CCDC47: variants seen among roughly 807,000 people sequenced by gnomAD.
The protein encoded by CCDC47 is coiled-coil domain containing 47.
CCDC47 carries 41 observed loss-of-function variants against 60.5 expected under a neutral mutation model. That is an observed-to-expected ratio of 0.68 (90% CI 0.53 to 0.88). CCDC47 has a LOEUF of 0.88. Ranked by LOEUF, CCDC47 falls within the 40% of genes least tolerant of loss-of-function variation. The probability of loss-of-function intolerance (pLI) is 0.00; values close to 1 mark genes in which losing one functional copy is unlikely to be tolerated. For missense variants in CCDC47, 513 were observed against 580.9 expected, an observed-to-expected ratio of 0.88 and a Z score of 1.20; for synonymous variants, 195 against 190.7, an observed-to-expected ratio of 1.02 and a Z score of -0.18.
chr17:63,748,191 G>C (rs1201608455), intron 12 of CCDC47, among the ~76,000 whole-genome samples: 2 of 151,562 alleles, frequency 1.3e-5, no homozygotes, highest in African/African-American at 4.8e-5. Flanking sequence ...TTTTGAGACA[G>C]AATTCTTGCT....
chr17:63,760,186 A>G (rs1011064707), intron 6 of CCDC47, among the ~76,000 whole-genome samples: 6 of 152,216 alleles, frequency 3.9e-5, no homozygotes, highest in Non-Finnish European at 8.8e-5. Context: ...TAAGGTCCTC[A>G]GATCATGACT....
chr17:63,764,374 T>C (rs1176616541), intron 3 of CCDC47, among the ~76,000 whole-genome samples, 184 bp from the exon 4 acceptor site: 2 of 152,200 alleles, frequency 1.3e-5, no homozygotes, highest in East Asian at 3.9e-4. Flanking sequence ...TAAAAGATTC[T>C]TTAAGGAAAT....
chr17:63,751,037 G>C (rs1053916593), intron 12 of CCDC47, among the ~76,000 whole-genome samples: 1 of 92,908 alleles, frequency 1.1e-5, no homozygotes, highest in Non-Finnish European at 2.1e-5. Flanking sequence ...ACTATGCACA[G>C]CTAATTTTTT....
At chr17:63,763,000 C>T (rs1197098965) in intron 4 of CCDC47, among the ~76,000 whole-genome samples, 1 of 152,182 alleles carries the variant, frequency 6.6e-6, no homozygotes, top group Non-Finnish European at 1.5e-5. Flanking sequence ...TGTACCACTG[C>T]AGCCTCAAAC....
rs570847091 is a variant in CCDC47 at position 63,759,470 on chromosome 17, T to C, written c.735+1444A>G. On this transcript the variant is annotated intron_variant, in intron 6 of 12. Coordinates refer to ENST00000225726, the MANE Select transcript of CCDC47 (RefSeq NM_020198.3). ...AGCCATTGCACTCCAGCCTGGGTGA[T>C]AGAGTGAGATTCTGTCTCCCAAAAA... Among the ~76,000 whole-genome samples, 725 of 103,962 alleles carry C rather than the reference T, an allele frequency of 7.0e-3. 4 individuals are homozygous for C. The highest frequency in any genetic ancestry group is 0.01 in the Non-Finnish European group (543 of 52,358). 68.2% of individuals were successfully genotyped at this position (103,962 alleles called of 152,430 possible). A position where few individuals can be genotyped will look rare whatever the true frequency, so the allele number is the denominator to read the frequency against.
At chr17:63,759,936 C>T (rs1222103950) in intron 6 of CCDC47, among the ~76,000 whole-genome samples, 6 of 151,396 alleles carry the variant, frequency 4.0e-5, no homozygotes, top group Middle Eastern at 3.4e-3. Flanking sequence ...TGGTGGCGGA[C>T]GCCTGTAGTC....
At chr17:63,760,077 A>AG (rs2039246108) in intron 6 of CCDC47, among the ~76,000 whole-genome samples, 1 of 151,382 alleles carries the variant, frequency 6.6e-6, no homozygotes, top group Non-Finnish European at 1.5e-5. Context: ...AAAAAAAAAA[A>AG]AAAAGAAACA....
chr17:63,751,996 CTCTT>C lies in CCDC47; in HGVS notation c.1311_1314del (p.Arg438GlnfsTer7). The stretch of plus-strand genomic sequence containing the variant: ...TCATTCATGATTCGCTCCTTCTCTG[CTCTT>C]TTTTTCTCCTCCCGCCGAGACTGTG... On this transcript the variant is annotated frameshift_variant, in exon 12 of 13. Coordinates refer to ENST00000225726, the MANE Select transcript of CCDC47 (RefSeq NM_020198.3). LOFTEE classifies it high-confidence loss of function. 1 of 1,613,662 alleles carries C rather than the reference CTCTT, an allele frequency of 6.2e-7. No homozygotes were observed. Among genetic ancestry groups the C allele is most frequent in the Non-Finnish European group, 8.5e-7 (1 of 1,180,016 alleles).
intron 6 of CCDC47, among the ~76,000 whole-genome samples, chr17:63,759,404 G>A (rs562588423): frequency 2.1e-5 from 3 of 143,762 alleles, no homozygotes; most frequent in African/African-American, 7.6e-5. Flanking sequence ...CAGGAAAATC[G>A]CTTGAACCCT....
At chr17:63,771,953 G>T (rs2039345101) in intron 1 of CCDC47, among the ~76,000 whole-genome samples, 1 of 151,898 alleles carries the variant, frequency 6.6e-6, no homozygotes, top group African/African-American at 2.4e-5. Context: ...GTGGTGGCAG[G>T]CACCTGTAAT....
At chr17:63,751,025 C>A (rs7215915) in intron 12 of CCDC47, among the ~76,000 whole-genome samples, 1 of 147,480 alleles carries the variant, frequency 6.8e-6, no homozygotes, top group African/African-American at 2.6e-5. Context: ...CAGGTATGCA[C>A]CACTATGCAC....
chr17:63,760,845 AAAAAAAAAG>A, intron 6 of CCDC47, 60 bp downstream of exon 6: 1 of 1,175,138 alleles, frequency 8.5e-7, no homozygotes, highest in South Asian at 1.4e-5. Flanking sequence ...TCAAAAAAAA[AAAAAAAAAG>A]AAAGAAAGAA....
rs2039281656 is a variant in CCDC47, at chr17:63,764,253, G to A, written c.373-63C>T. On this transcript the variant is annotated intron_variant, in intron 3 of 12. Coordinates refer to ENST00000225726, the MANE Select transcript of CCDC47 (RefSeq NM_020198.3). ...GACTGAAGAATGAAATCTACCTCAT[G>A]GCAGGAAGAATGAGAAAATCCATAA... is the stretch of plus-strand genomic sequence containing the variant. 4 of 1,225,344 alleles carry A rather than the reference G, an allele frequency of 3.3e-6. No individual in the cohort carries two copies. In the South Asian group the frequency reaches 6.1e-5, roughly 19 times the overall value. 75.9% of individuals were successfully genotyped at this position (1,225,344 alleles called of 1,614,324 possible). A position where few individuals can be genotyped will look rare whatever the true frequency, so the allele number is the denominator to read the frequency against.
intron 7 of CCDC47, 27 bp downstream of exon 7, chr17:63,756,442 T>C (rs1398609755): frequency 6.3e-7 from 1 of 1,594,288 alleles, no homozygotes; most frequent in South Asian, 1.1e-5. Context: ...GTTCTACGTA[T>C]ATTTGAGTTG....
chr17:63,771,745 T>C (rs1010690483), intron 1 of CCDC47, among the ~76,000 whole-genome samples: 8 of 152,202 alleles, frequency 5.3e-5, no homozygotes, highest in African/African-American at 9.6e-5. Flanking sequence ...GGAAGAAATA[T>C]AGAAAACAGC....
At chr17:63,764,594 G>T in intron 3 of CCDC47, 146 bp downstream of exon 3, 1 of 664,774 alleles carries the variant, frequency 1.5e-6, no homozygotes. Context: ...GAGAGGTGTT[G>T]ATTTTTATCA....
At chr17:63,747,821 T>C (rs1166298442) in intron 12 of CCDC47, 2 of 983,374 alleles carry the variant, frequency 2.0e-6, no homozygotes, top group Admixed American at 1.2e-4. Context: ...GATTTGTAAA[T>C]TCCTGGTTTG....
At chr17:63,760,232 A>G (rs1034990593) in intron 6 of CCDC47, among the ~76,000 whole-genome samples, 2 of 151,210 alleles carry the variant, frequency 1.3e-5, no homozygotes, top group African/African-American at 2.5e-5. Flanking sequence ...TATTTGAAGC[A>G]AAACATATTT....
chr17:63,771,013 A>AAAGGAAGGAAGGAAGGAAGG (rs775583739), intron 1 of CCDC47, among the ~76,000 whole-genome samples: 2 of 110,200 alleles, frequency 1.8e-5, no homozygotes, highest in African/African-American at 3.4e-5. Flanking sequence ...AGAAAGAAAG[A>AAAGGAAGGAAGGAAGGAAGG]AAGGAAGGAA....
Sources: allele counts gnomAD v4.1 joint callset (sites outside exome capture counted in the v4.1 genomes callset), GRCh38; gene constraint gnomAD v4.1.1; transcripts MANE v1.5; gene names NCBI Gene and HGNC (gene_info 2026-07-23, HGNC 2026-07-21).